KCTD3: variants seen among roughly 807,000 people sequenced by gnomAD.
The protein encoded by KCTD3 is potassium channel tetramerization domain containing 3.
In KCTD3, 41 loss-of-function variants were observed where a neutral mutation model predicts 85.8. The observed-to-expected ratio is 0.48, with a 90% CI of 0.37 to 0.62. The LOEUF (loss-of-function observed/expected upper bound fraction) is 0.62, where lower values mean the gene tolerates loss of function less well. Among genes scored for constraint, KCTD3 ranks in the 20% least tolerant of loss-of-function variants. The pLI, the probability that KCTD3 is intolerant of heterozygous loss-of-function variation, is 0.00. For missense variants in KCTD3, 724 were observed against 989.9 expected (o/e 0.73, Z 3.60); for synonymous variants, 338 against 345.4 (o/e 0.98, Z 0.24).
chr1:215,613,994 T>A (rs1205583746), intron 15 of KCTD3, among the ~76,000 whole-genome samples: 1 of 151,164 alleles, frequency 6.6e-6, no homozygotes, highest in Non-Finnish European at 1.5e-5. Flanking sequence ...GGCTCTTTTT[T>A]GGTTTCATAG....
intron 9 of KCTD3, among the ~76,000 whole-genome samples, chr1:215,590,562 A>C (rs182727522): frequency 2.7e-4 from 41 of 152,132 alleles, no homozygotes; most frequent in African/African-American, 8.9e-4. Context: ...TCTTCAGTTT[A>C]GATATCTTTT....
At chr1:215,614,024 T>TG (rs1302816124) in intron 15 of KCTD3, among the ~76,000 whole-genome samples, 1 of 129,854 alleles carries the variant, frequency 7.7e-6, no homozygotes, top group African/African-American at 3.1e-5. Flanking sequence ...AATAGTTTTT[T>TG]TTTTTTTTTT....
intron 8 of KCTD3, among the ~76,000 whole-genome samples, chr1:215,585,489 C>T (rs1344801972): frequency 1.3e-5 from 2 of 152,008 alleles, no homozygotes; most frequent in African/African-American, 4.8e-5. Flanking sequence ...TTATGAATAC[C>T]TAAGTTTGCT....
In KCTD3 at chr1:215,621,280, A is replaced by G. The variant is rs1043966722; in HGVS notation, c.*662A>G. ...TAGCAATATTAAATGCCAAAATTCC[A>G]TTGAAACTTTCAAGTTGGAGCAATT... On this transcript the variant is annotated 3_prime_UTR_variant, in exon 18 of 18. Transcript: ENST00000259154. The G allele has an allele frequency of 3.3e-5, 5 of 152,422 alleles. No homozygotes were observed. The highest frequency in any genetic ancestry group is 7.4e-5 in the Non-Finnish European group (5 of 67,986). The allele number at this position is 152,422 out of a possible 1,614,324, so 9.4% of individuals were successfully genotyped here. A position where few individuals can be genotyped will look rare whatever the true frequency, so the allele number is the denominator to read the frequency against.
At chr1:215,590,282 T>G (rs1228906898) in intron 9 of KCTD3, among the ~76,000 whole-genome samples, 1 of 152,222 alleles carries the variant, frequency 6.6e-6, no homozygotes, top group East Asian at 1.9e-4. Context: ...TTAATGAGGT[T>G]GTCATCCTGT....
At chr1:215,573,737 A>G in intron 1 of KCTD3, 49 bp from the exon 2 acceptor site, 1 of 1,162,342 alleles carries the variant, frequency 8.6e-7, no homozygotes, top group Non-Finnish European at 1.3e-6. Context: ...TAATACTGAA[A>G]TTTCAAATCA....
At chr1:215,619,315 T>C in intron 17 of KCTD3, 24 bp downstream of exon 17, 2 of 1,580,010 alleles carry the variant, frequency 1.3e-6, no homozygotes, top group Admixed American at 1.8e-5. Flanking sequence ...TTGGGTATTA[T>C]AAACAAAATT....
intron 13 of KCTD3, among the ~76,000 whole-genome samples, chr1:215,605,626 A>G (rs1191809374): frequency 1.3e-5 from 2 of 152,126 alleles, no homozygotes; most frequent in African/African-American, 4.8e-5. Flanking sequence ...TGTATGTTTA[A>G]TAGGCATCTC....
Position 215,611,915 on chromosome 1 carries a change from GA to G in KCTD3, c.1561del (p.Arg521GlufsTer18). The G allele has an allele frequency of 4.4e-6, 7 of 1,590,676 alleles. No individual in the cohort carries two copies. Among genetic ancestry groups the G allele is most frequent in the South Asian group, 1.1e-5 (1 of 89,622 alleles). On this transcript the variant is annotated frameshift_variant, in exon 15 of 18. Transcript: ENST00000259154. LOFTEE classifies it high-confidence loss of function. ...NKLFVRLSST[G>X]KRICEIQAVD... The stretch of plus-strand genomic sequence containing the variant: ...CTATTTGTAAGACTCTCATCGACTG[GA>G]AAAAGGTAACACTTTATTGTAAAAA...
intron 9 of KCTD3, 49 bp from the exon 10 acceptor site, chr1:215,595,307 T>G (rs1398133891): frequency 8.8e-7 from 1 of 1,131,704 alleles, no homozygotes; most frequent in African/African-American, 1.5e-5. Context: ...TTTGATTAAT[T>G]CTAAAAATGG....
intron 15 of KCTD3, chr1:215,618,658 A>G (rs145066876): frequency 2.1e-5 from 8 of 373,354 alleles, no homozygotes; most frequent in East Asian, 4.2e-5. Context: ...CTTTTTTTGA[A>G]GTTGAGTATT....
intron 15 of KCTD3, among the ~76,000 whole-genome samples, chr1:215,612,507 ATTTG>A (rs1342645930): frequency 2.6e-5 from 4 of 151,916 alleles, no homozygotes; most frequent in African/African-American, 9.7e-5. Context: ...TCTCCTCAGT[ATTTG>A]TTTGTGAATG....
chr1:215,599,729 G>A (rs1008307496), intron 10 of KCTD3, among the ~76,000 whole-genome samples: 4 of 152,018 alleles, frequency 2.6e-5, no homozygotes, highest in Admixed American at 6.6e-5. Context: ...CTGTTTTCCC[G>A]TATGGAGGGG....
chr1:215,596,025 C>G (rs1660403883), intron 10 of KCTD3, among the ~76,000 whole-genome samples: 1 of 152,064 alleles, frequency 6.6e-6, no homozygotes, highest in Non-Finnish European at 1.5e-5. Flanking sequence ...AGCAATCCAG[C>G]AATCAAGAAG....
chr1:215,582,575 A>AT (rs1213604254), intron 8 of KCTD3, among the ~76,000 whole-genome samples: 3 of 151,786 alleles, frequency 2.0e-5, no homozygotes, highest in Non-Finnish European at 4.4e-5. Flanking sequence ...TGTTTTTGAG[A>AT]TTTTGAGACA....
intron 15 of KCTD3, among the ~76,000 whole-genome samples, chr1:215,616,551 G>A (rs1436981698): frequency 2.0e-5 from 3 of 151,966 alleles, no homozygotes; most frequent in East Asian, 1.9e-4. Context: ...ACCTGAGGTC[G>A]GGAGTTCAAG....
In KCTD3 at chr1:215,618,969, C is replaced by T. The variant is rs1424209521; in HGVS notation, c.1646C>T (p.Ser549Leu). The change falls in exon 16 of 18, where the codon TCA (serine) becomes TTA (leucine). Residue 549 changes from serine to leucine, a missense_variant. Physicochemically the swap from Ser to Leu is moderately radical, Grantham distance 145. Transcript: ENST00000259154. ...TGTGAGGGATCCAGTAGGATGGGCT[C>T]AAGACCAAGGCGCTACTTGTTCACA... Reference protein sequence around the residue: ...RECEGSSRMGSRPRRYLFTGH... With the variant: ...RECEGSSRMGLRPRRYLFTGH... 2 of 1,613,928 alleles carry T rather than the reference C, an allele frequency of 1.2e-6. No homozygotes were observed. The highest frequency in any genetic ancestry group is 2.2e-5 in the East Asian group (1 of 44,874).
At chr1:215,586,720 ATAT>A (rs1169238861) in intron 9 of KCTD3, 35 bp downstream of exon 9, 1 of 1,540,916 alleles carries the variant, frequency 6.5e-7, no homozygotes, top group African/African-American at 1.4e-5. Context: ...CAATTTGATG[ATAT>A]TAATATTTTG....
At chr1:215,585,664 C>A (rs898402974) in intron 8 of KCTD3, among the ~76,000 whole-genome samples, 1 of 152,112 alleles carries the variant, frequency 6.6e-6, no homozygotes, top group African/African-American at 2.4e-5. Flanking sequence ...ATTATGATTA[C>A]GTAACTGCTA....
Sources: allele counts gnomAD v4.1 joint callset (sites outside exome capture counted in the v4.1 genomes callset), GRCh38; gene constraint gnomAD v4.1.1; transcripts MANE v1.5; gene names NCBI Gene and HGNC (gene_info 2026-07-23, HGNC 2026-07-21).